ABCC1: variants seen among roughly 807,000 people sequenced by gnomAD.
The protein encoded by ABCC1 is ATP binding cassette subfamily C member 1 (ABCC1 blood group).
ABCC1 carries 83 observed loss-of-function variants against 172.9 expected under a neutral mutation model. The observed-to-expected ratio is 0.48, with a 90% CI of 0.40 to 0.58. The LOEUF (loss-of-function observed/expected upper bound fraction) is 0.58, where lower values mean the gene tolerates loss of function less well. Among genes scored for constraint, ABCC1 ranks in the 20% least tolerant of loss-of-function variants. ABCC1 has a pLI of 0.00. For synonymous variants in ABCC1, 937 were observed against 825.2 expected (o/e 1.14, Z -2.32); for missense variants, 1,817 against 2,002.7 (o/e 0.91, Z 1.77).
intron 5 of ABCC1, among the ~76,000 whole-genome samples, chr16:16,026,464 CCTTTTT>C (rs1597136673): frequency 2.0e-5 from 2 of 102,260 alleles, no homozygotes; most frequent in Non-Finnish European, 3.8e-5. Context: ...AAGGCTATTT[CCTTTTT>C]TTTTTTTTTT....
intron 1 of ABCC1, among the ~76,000 whole-genome samples, chr16:15,989,642 T>C (rs1383912687): frequency 6.6e-6 from 1 of 152,072 alleles, no homozygotes; most frequent in Non-Finnish European, 1.5e-5. Flanking sequence ...GCCCCGTCTG[T>C]TCCTTGGTTG....
chr16:16,061,609 T>C (rs1022071281), intron 12 of ABCC1, among the ~76,000 whole-genome samples: 1 of 152,188 alleles, frequency 6.6e-6, no homozygotes, highest in Non-Finnish European at 1.5e-5. Context: ...TCTCTCCATG[T>C]TTCTTGTGTG....
At chr16:15,955,423 C>T (rs1245959687) in intron 1 of ABCC1, among the ~76,000 whole-genome samples, 1 of 152,208 alleles carries the variant, frequency 6.6e-6, no homozygotes, top group Non-Finnish European at 1.5e-5. Flanking sequence ...ACAGTCTAGT[C>T]TTGGCCCAGC....
chr16:16,038,155 G>C (rs946188399), intron 7 of ABCC1, among the ~76,000 whole-genome samples: 5 of 152,090 alleles, frequency 3.3e-5, no homozygotes, highest in Non-Finnish European at 5.9e-5. Context: ...TAGATGGATA[G>C]ATGATAGATA....
intron 20 of ABCC1, among the ~76,000 whole-genome samples, chr16:16,103,714 G>A (rs1384898358): frequency 6.6e-6 from 1 of 152,226 alleles, no homozygotes; most frequent in East Asian, 1.9e-4. Context: ...AGTTGCTACA[G>A]GGGTCAGGAG....
At chr16:16,010,547 G>T (rs548122284) in intron 3 of ABCC1, among the ~76,000 whole-genome samples, 10 of 152,136 alleles carry the variant, frequency 6.6e-5, no homozygotes, top group Non-Finnish European at 1.3e-4. Context: ...TCTGGCATAG[G>T]GGGTGGGTTG....
chr16:16,107,287 T>C (rs1363712351), intron 21 of ABCC1, among the ~76,000 whole-genome samples: 1 of 152,136 alleles, frequency 6.6e-6, no homozygotes, highest in Non-Finnish European at 1.5e-5. Context: ...TTTCATTTCT[T>C]TTTTTAATTT....
rs553799653 is a variant in ABCC1 at position 15,979,537 on chromosome 16, A to G, written c.49-28279A>G. On this transcript the variant is annotated intron_variant, in intron 1 of 30. Coordinates refer to ENST00000399410, the MANE Select transcript of ABCC1 (RefSeq NM_004996.4). ...TAATAAACAGCTTTTTTGTTGAGAT[A>G]TAATTCACATACCATATGATGCACC... Among the ~76,000 whole-genome samples, 3 of 152,234 alleles carry G rather than the reference A, an allele frequency of 2.0e-5. No individual in the cohort carries two copies. In the South Asian group the frequency reaches 6.2e-4, roughly 32 times the overall value.
At position 16,090,457 on chromosome 16, in the gene ABCC1, T is replaced by C. The variant is rs368349372; in HGVS notation, c.2513T>C (p.Ile838Thr). ...AGCTACTTGCCGCAGGTGGACGTCATCATCGTCATGAGTGGCGGCAAGATC... is the reference window on the plus strand; with the variant it reads ...AGCTACTTGCCGCAGGTGGACGTCACCATCGTCATGAGTGGCGGCAAGATC... ...SMSYLPQVDV[I>T]IVMSGGKISE... Residue 838 changes from isoleucine to threonine, a missense_variant, in exon 19 of 31, where the codon ATC becomes ACC. By Grantham distance (89) the Ile-to-Thr change is moderately conservative. This residue lies in a region of ABCC1 where 1,412 missense variants were observed against 1,600.3 expected (regional missense o/e 0.88). Coordinates refer to ENST00000399410, the MANE Select transcript of ABCC1 (RefSeq NM_004996.4). 1.6e-5 allele frequency: 26 copies of C among 1,613,802 alleles called. No individual in the cohort carries two copies. The African/African-American group carries it at 2.9e-4, about 18-fold the overall frequency.
At chr16:16,134,618 C>T (rs2045843210) in intron 28 of ABCC1, 110 bp downstream of exon 28, 3 of 608,926 alleles carry the variant, frequency 4.9e-6, no homozygotes, top group Non-Finnish European at 7.9e-6. Flanking sequence ...GGCCCTACTT[C>T]ATCGTTCTTT....
rs377687642 is a variant in ABCC1, at chr16:16,131,781, G to T, written c.3820-8G>T. The T allele has an allele frequency of 8.1e-6, 13 of 1,612,734 alleles. No individual in the cohort carries two copies. In the African/African-American group the frequency reaches 1.5e-4, roughly 18 times the overall value. ...ATTCCTTACTCTCTCCCTTCACTGC[G>T]ATCGAAGGCGCCCTGGCAAATCCAG... On this transcript the variant is annotated splice_polypyrimidine_tract_variant and splice_region_variant and intron_variant, in intron 26 of 30. Transcript: ENST00000399410.
In ABCC1 at chr16:16,073,040, CAA is replaced by C. The variant is rs5815853; in HGVS notation, c.1912+1327_1912+1328del. 1.2e-3 allele frequency among the ~76,000 whole-genome samples: 136 copies of C among 115,874 alleles called. No homozygotes were observed. The Middle Eastern group carries it at 0.013, about 11-fold the overall frequency. The allele number at this position is 115,874 out of a possible 152,430, so 76.0% of individuals were successfully genotyped here. A position where few individuals can be genotyped will look rare whatever the true frequency, so the allele number is the denominator to read the frequency against. On this transcript the variant is annotated intron_variant, in intron 14 of 30. Coordinates refer to ENST00000399410, the MANE Select transcript of ABCC1 (RefSeq NM_004996.4). ...CAGGGCAAAGAGTGAGACTTCATCT[CAA>C]AAAAAAAAAAAAAAATAATAATAAT...
chr16:16,089,659 C>T (rs1443043709), intron 18 of ABCC1, among the ~76,000 whole-genome samples: 1 of 152,038 alleles, frequency 6.6e-6, no homozygotes. Context: ...TGCCTGAGGT[C>T]AGGAGTTTGA....
chr16:16,106,237 A>G (rs1187744436), intron 20 of ABCC1, among the ~76,000 whole-genome samples: 1 of 152,084 alleles, frequency 6.6e-6, no homozygotes, highest in Non-Finnish European at 1.5e-5. Context: ...ATCCCACCCC[A>G]GTGCCCACCA....
At chr16:15,953,246 GA>G (rs1213455783) in intron 1 of ABCC1, among the ~76,000 whole-genome samples, 1 of 151,860 alleles carries the variant, frequency 6.6e-6, no homozygotes, top group Non-Finnish European at 1.5e-5. Flanking sequence ...TGAGGCAGGA[GA>G]ATTGCTTGAA....
chr16:15,999,154 C>G (rs1040202635), intron 1 of ABCC1, among the ~76,000 whole-genome samples: 5 of 152,008 alleles, frequency 3.3e-5, no homozygotes, highest in African/African-American at 1.2e-4. Flanking sequence ...GTGCCCGCCA[C>G]CACACCTGGC....
In ABCC1 at chr16:16,114,993, G is replaced by A. The variant is rs769436212; in HGVS notation, c.3307G>A (p.Gly1103Ser). The A allele has an allele frequency of 8.1e-6, 13 of 1,614,170 alleles. No individual in the cohort carries two copies. The highest frequency in any genetic ancestry group is 8.5e-7 in the Non-Finnish European group (1 of 1,180,028). The change falls in exon 23 of 31, where the codon GGT (glycine) becomes AGT (serine). Residue 1103 changes from glycine (G) to serine (S), a missense_variant. Physicochemically the swap from Gly to Ser is moderately conservative, Grantham distance 56 (BLOSUM62 0). Transcript: ENST00000399410. ...MFMGSLFNVI[G>S]ACIVILLATP... is the part of the protein sequence containing the mutation. ...CATGGGCTCCCTGTTCAACGTCATTGGTGCCTGCATCGTTATCCTGCTGGC... is the reference window on the plus strand; with the variant it reads ...CATGGGCTCCCTGTTCAACGTCATTAGTGCCTGCATCGTTATCCTGCTGGC...
chr16:16,121,879 A>G (rs929163522), intron 23 of ABCC1, 96 bp from the exon 24 acceptor site: 2 of 1,348,332 alleles, frequency 1.5e-6, no homozygotes, highest in Non-Finnish European at 2.1e-6. Context: ...TCCTGGAGGT[A>G]TCGGTTACGT....
In ABCC1 at chr16:16,088,124, CGTGTGTGT is replaced by C. The variant is rs60633005; in HGVS notation, c.2460+1153_2460+1160del. On this transcript the variant is annotated intron_variant, in intron 18 of 30. Coordinates refer to ENST00000399410, the MANE Select transcript of ABCC1 (RefSeq NM_004996.4). ...TCTTCTTATAATATATGTGTGTATGCGTGTGTGTGTGTGTGTGTGTGTGTGTGCATGTA... is the reference window on the plus strand; with the variant it reads ...TCTTCTTATAATATATGTGTGTATGCGTGTGTGTGTGTGTGTGTGCATGTA... Among the ~76,000 whole-genome samples the C allele has an allele frequency of 9.7e-3, 1,227 of 126,840 alleles. 18 individuals are homozygous for C. Among genetic ancestry groups the C allele is most frequent in the African/African-American group, 0.029 (1,161 of 39,742 alleles). The allele number at this position is 126,840 out of a possible 152,430, so 83.2% of individuals were successfully genotyped here.
Sources: allele counts gnomAD v4.1 joint callset (sites outside exome capture counted in the v4.1 genomes callset), GRCh38; gene constraint gnomAD v4.1.1; regional missense constraint gnomAD v4.1.1; transcripts MANE v1.5; gene names NCBI Gene and HGNC (gene_info 2026-07-23, HGNC 2026-07-21).